Variants in KCNK10 observed in about 807,000 individuals in gnomAD.
KCNK10 encodes the protein potassium two pore domain channel subfamily K member 10.
A neutral mutation model predicts 47.7 loss-of-function variants in KCNK10; 25 were observed. The observed-to-expected ratio is 0.52, with a 90% CI of 0.38 to 0.73. KCNK10 has a LOEUF of 0.73. KCNK10 is among the 30% of genes least tolerant of loss of function. The pLI is 0.00. For synonymous variants in KCNK10, 303 were observed against 285.6 expected (o/e 1.06, Z -0.61); for missense variants, 563 against 714.5 (o/e 0.79, Z 2.42).
At chr14:88,233,353 C>A (rs1306077879) in intron 3 of KCNK10, among the ~76,000 whole-genome samples, 2 of 152,192 alleles carry the variant, frequency 1.3e-5, no homozygotes, top group Non-Finnish European at 2.9e-5. Flanking sequence ...TGTCTCTTTC[C>A]AGACTTACCT....
At chr14:88,269,314 A>G (rs189324221) in intron 1 of KCNK10, among the ~76,000 whole-genome samples, 84 of 152,334 alleles carry the variant, frequency 5.5e-4, no homozygotes, top group African/African-American at 9.9e-4. Flanking sequence ...TCAATCAACA[A>G]ACAACTGAGT....
intron 1 of KCNK10, among the ~76,000 whole-genome samples, chr14:88,310,996 A>T (rs1888317688): frequency 6.6e-6 from 1 of 152,208 alleles, no homozygotes; most frequent in South Asian, 2.1e-4. Flanking sequence ...AGCCAGGGAA[A>T]ATATCATTTT....
At chr14:88,213,182 T>A (rs1489433025) in intron 4 of KCNK10, among the ~76,000 whole-genome samples, 1 of 152,076 alleles carries the variant, frequency 6.6e-6, no homozygotes, top group Non-Finnish European at 1.5e-5. Context: ...CTCAATTCAA[T>A]AAGGGCACCT....
rs1255327889 is a variant in KCNK10, at chr14:88,188,090, A to G, written c.888T>C (p.Asn296=). The G allele has an allele frequency of 6.2e-7, 1 of 1,614,196 alleles. No homozygotes were observed. Among genetic ancestry groups the G allele is most frequent in the Admixed American group, 1.7e-5 (1 of 60,022 alleles). ...CTAGGGGCTTATACCACTCCCGATAATTGATGCCAGCGTTTCCCCCTGAAA... is the reference window on the plus strand; with the variant it reads ...CTAGGGGCTTATACCACTCCCGATAGTTGATGCCAGCGTTTCCCCCTGAAA... ...DFVAGGNAGI[N]YREWYKPLVW... Residue 296 remains asparagine, a synonymous_variant, in exon 6 of 7, where the codon AAT becomes AAC. Transcript: ENST00000319231.
chr14:88,264,271 T>G (rs922170533), intron 1 of KCNK10, among the ~76,000 whole-genome samples: 1 of 152,210 alleles, frequency 6.6e-6, no homozygotes, highest in African/African-American at 2.4e-5. Flanking sequence ...AATAAATAGG[T>G]TCAGCTGGAG....
At chr14:88,256,434 T>A (rs1886957674) in intron 2 of KCNK10, among the ~76,000 whole-genome samples, 1 of 152,112 alleles carries the variant, frequency 6.6e-6, no homozygotes, top group African/African-American at 2.4e-5. Flanking sequence ...GAGAGATCAG[T>A]GGAGCCGGCC....
At chr14:88,301,251 G>A (rs764920143) in intron 1 of KCNK10, among the ~76,000 whole-genome samples, 2 of 152,074 alleles carry the variant, frequency 1.3e-5, no homozygotes, top group Non-Finnish European at 2.9e-5. Flanking sequence ...ATAAATGTTA[G>A]TTATCACTGT....
chr14:88,185,914 T>A lies in KCNK10; in HGVS notation c.1253A>T (p.Gln418Leu). ...LDTGRFKASS[Q>L]ESINNRPNNL... ...GTTGGGCCGGTTGTTGATGCTCTCC[T>A]GGGATGAGGCCTTGAAGCGGCCGGT... Residue 418 changes from glutamine (Q) to leucine (L), a missense_variant, in exon 7 of 7, where the codon CAG (glutamine) becomes CTG (leucine). Transcript: ENST00000319231. This position sits in a 1 kb window ranked among gnomAD's most constrained non-coding sequence, Gnocchi z 4.3. The A allele has an allele frequency of 6.2e-7, 1 of 1,613,972 alleles. No homozygotes were observed. Among genetic ancestry groups the A allele is most frequent in the Non-Finnish European group, 8.5e-7 (1 of 1,180,008 alleles).
intron 2 of KCNK10, among the ~76,000 whole-genome samples, chr14:88,256,649 T>C (rs1886964860): frequency 6.6e-6 from 1 of 152,134 alleles, no homozygotes; most frequent in Non-Finnish European, 1.5e-5. Flanking sequence ...ATGGGCACTC[T>C]GCACTTGAAC....
chr14:88,323,089 G>A lies in KCNK10; in HGVS notation c.-291C>T. The A allele has an allele frequency of 1.6e-6, 2 of 1,235,692 alleles. No individual in the cohort carries two copies. Among genetic ancestry groups the A allele is most frequent in the Non-Finnish European group, 2.0e-6 (2 of 979,150 alleles). The allele number at this position is 1,235,692 out of a possible 1,614,324, so 76.5% of individuals were successfully genotyped here. On this transcript the variant is annotated 5_prime_UTR_variant, in exon 1 of 7. Coordinates refer to ENST00000319231, the MANE Select transcript of KCNK10 (RefSeq NM_138317.3). ...GGTGGATGAAAGGATGGAGAGGAAG[G>A]CTTGGGGAGATGGAAGAGCCAAGCT...
Position 88,276,281 on chromosome 14 carries a change from G to C in KCNK10, c.53-12730C>G, listed in dbSNP as rs1555364207. ...AAAAGAGAACCCAGAGAGATCTCTT[G>C]GTCCTTCCACCGAGTGAGGACACAG... On this transcript the variant is annotated intron_variant, in intron 1 of 6. Coordinates refer to ENST00000319231, the MANE Select transcript of KCNK10 (RefSeq NM_138317.3). Among the ~76,000 whole-genome samples, 5 of 129,154 alleles carry C rather than the reference G, an allele frequency of 3.9e-5. 1 individual carries two copies. The highest frequency in any genetic ancestry group is 2.2e-4 in the African/African-American group (5 of 22,958). The allele number at this position is 129,154 out of a possible 152,430, so 84.7% of individuals were successfully genotyped here. A position where few individuals can be genotyped will look rare whatever the true frequency, so the allele number is the denominator to read the frequency against.
At chr14:88,234,303 T>C (rs1250490563) in intron 3 of KCNK10, among the ~76,000 whole-genome samples, 1 of 152,218 alleles carries the variant, frequency 6.6e-6, no homozygotes, top group African/African-American at 2.4e-5. Context: ...AACACCAATA[T>C]ATTTGCAGAT....
At chr14:88,211,957 C>T (rs1457711838) in intron 4 of KCNK10, among the ~76,000 whole-genome samples, 1 of 150,080 alleles carries the variant, frequency 6.7e-6, no homozygotes, top group Non-Finnish European at 1.5e-5. Flanking sequence ...GTTAAATCCA[C>T]AGAAAAAAGA....
At chr14:88,257,901 T>C (rs1182680680) in intron 2 of KCNK10, among the ~76,000 whole-genome samples, 2 of 152,110 alleles carry the variant, frequency 1.3e-5, no homozygotes, top group Non-Finnish European at 2.9e-5. Context: ...TAATTCTTTG[T>C]GGGAGGGGGG....
chr14:88,280,873 A>G (rs563929448), intron 1 of KCNK10, among the ~76,000 whole-genome samples: 1 of 152,252 alleles, frequency 6.6e-6, no homozygotes, highest in Admixed American at 6.5e-5. Context: ...ACTCCCACAG[A>G]GCAGTCAGAA....
intron 4 of KCNK10, among the ~76,000 whole-genome samples, chr14:88,220,508 C>CAAATAGGT (rs550742574): frequency 3.3e-4 from 39 of 118,874 alleles, no homozygotes; most frequent in African/African-American, 1.2e-3. Context: ...AAAGAATAGA[C>CAAATAGGT]AAATAGGTCA....
At chr14:88,325,436 T>A (rs560255090), upstream of KCNK10, among the ~76,000 whole-genome samples, 4 of 152,300 alleles carry the variant, frequency 2.6e-5, no homozygotes, top group African/African-American at 9.6e-5. Flanking sequence ...CTTTGTTAGA[T>A]CATTTTGCAG....
intron 4 of KCNK10, among the ~76,000 whole-genome samples, chr14:88,197,016 T>C (rs113645278): frequency 1.3e-5 from 2 of 152,250 alleles, no homozygotes; most frequent in Non-Finnish European, 2.9e-5. Context: ...TCAGTGAGAA[T>C]AGTGAAGTGG....
intron 2 of KCNK10, among the ~76,000 whole-genome samples, chr14:88,256,237 G>T (rs946839232): frequency 6.6e-6 from 1 of 152,162 alleles, no homozygotes; most frequent in Admixed American, 6.5e-5. Context: ...TCCTCTAGAA[G>T]ATCCACATAC....
Sources: allele counts gnomAD v4.1 joint callset (sites outside exome capture counted in the v4.1 genomes callset), GRCh38; gene constraint gnomAD v4.1.1; non-coding constraint Gnocchi (gnomAD v3.1); transcripts MANE v1.5; gene names NCBI Gene and HGNC (gene_info 2026-07-23, HGNC 2026-07-21).